The following NDUFAF2 variants were observed in gnomAD, a reference collection of about 807,000 sequenced individuals.
NDUFAF2 encodes the protein NADH:ubiquinone oxidoreductase complex assembly factor 2.
Under a neutral mutation model 22.8 loss-of-function variants are expected in NDUFAF2, and 13 were observed. The observed-to-expected ratio is 0.57, with a 90% CI of 0.37 to 0.91. NDUFAF2 has a LOEUF of 0.91. Among genes scored for constraint, NDUFAF2 ranks in the 40% least tolerant of loss-of-function variants. The pLI is 0.01. For missense variants in NDUFAF2, 162 were observed against 195.2 expected, an observed-to-expected ratio of 0.83 and a Z score of 1.01; for synonymous variants, 53 against 64.2, an observed-to-expected ratio of 0.83 and a Z score of 0.84.
At chr5:61,092,954 C>A (rs1752587002) in intron 2 of NDUFAF2, among the ~76,000 whole-genome samples, 1 of 152,160 alleles carries the variant, frequency 6.6e-6, no homozygotes, top group Non-Finnish European at 1.5e-5. Context: ...AAGTCTGAGT[C>A]CCAAAACCTC....
rs1561532300 is a variant in NDUFAF2 at position 60,977,034 on chromosome 5, C to T, written c.127+31652C>T. On this transcript the variant is annotated intron_variant, in intron 1 of 3. Transcript: ENST00000296597. ...TTAGAAATGCCATTTTCACAAATTA[C>T]TTTCTCTTAGATACTAAGATCTAGT... Among the ~76,000 whole-genome samples the T allele has an allele frequency of 1.3e-5, 2 of 152,192 alleles. 1 individual carries two copies. The highest frequency in any genetic ancestry group is 3.9e-4 in the East Asian group (2 of 5,174).
At chr5:60,990,621 A>G (rs757893673) in intron 1 of NDUFAF2, among the ~76,000 whole-genome samples, 4 of 152,124 alleles carry the variant, frequency 2.6e-5, no homozygotes, top group Admixed American at 6.5e-5. Flanking sequence ...ATGTTTTCAC[A>G]TGAGAGGATT....
chr5:61,008,578 C>G (rs1007645828), intron 1 of NDUFAF2, among the ~76,000 whole-genome samples: 3 of 152,020 alleles, frequency 2.0e-5, no homozygotes, highest in African/African-American at 7.2e-5. Context: ...CTATAAAATG[C>G]GGATGATTTC....
chr5:60,954,839 A>T (rs991069232), intron 1 of NDUFAF2, among the ~76,000 whole-genome samples: 4 of 151,650 alleles, frequency 2.6e-5, no homozygotes, highest in Admixed American at 1.3e-4. Context: ...GGCTAGTGAT[A>T]TTGAGAACCT....
chr5:61,070,596 T>TACAAACACACACACACACACACAC (rs1554082090), intron 1 of NDUFAF2, among the ~76,000 whole-genome samples: 1 of 147,974 alleles, frequency 6.8e-6, no homozygotes, highest in Non-Finnish European at 1.5e-5. Flanking sequence ...TGTCTTTGCA[T>TACAAACACACACACACACACACAC]ACACACACAC....
chr5:61,046,730 A>G (rs1404468073), intron 1 of NDUFAF2, among the ~76,000 whole-genome samples: 1 of 152,158 alleles, frequency 6.6e-6, no homozygotes, highest in East Asian at 1.9e-4. Flanking sequence ...AAAGTAAAGT[A>G]AGTATCCCTT....
intron 1 of NDUFAF2, among the ~76,000 whole-genome samples, chr5:61,058,009 T>G (rs951896170): frequency 1.4e-4 from 21 of 152,188 alleles, no homozygotes; most frequent in African/African-American, 5.1e-4. Flanking sequence ...TTTTATTAAA[T>G]TATTCATATT....
intron 1 of NDUFAF2, among the ~76,000 whole-genome samples, chr5:60,982,063 A>G (rs1388420782): frequency 6.6e-6 from 1 of 152,204 alleles, no homozygotes. Flanking sequence ...CACAAGCACA[A>G]ACAGCCAAAG....
intron 1 of NDUFAF2, among the ~76,000 whole-genome samples, chr5:61,045,750 A>G (rs1396879609): frequency 6.6e-6 from 1 of 152,102 alleles, no homozygotes; most frequent in East Asian, 1.9e-4. Context: ...TTTAGATATA[A>G]GACCTTGTCA....
At chr5:60,958,523 A>G (rs1342718484) in intron 1 of NDUFAF2, among the ~76,000 whole-genome samples, 2 of 152,152 alleles carry the variant, frequency 1.3e-5, no homozygotes, top group African/African-American at 2.4e-5. Context: ...CATTTTTATA[A>G]CAACCATGTA....
chr5:61,097,148 C>T (rs1381012667), intron 2 of NDUFAF2, among the ~76,000 whole-genome samples: 1 of 152,104 alleles, frequency 6.6e-6, no homozygotes, highest in Non-Finnish European at 1.5e-5. Context: ...TGTTTCCACC[C>T]CCACAAACCA....
At chr5:60,998,890 A>AT (rs1279097084) in intron 1 of NDUFAF2, among the ~76,000 whole-genome samples, 2 of 151,640 alleles carry the variant, frequency 1.3e-5, no homozygotes, top group Non-Finnish European at 2.9e-5. Context: ...TCAGAGATTT[A>AT]TTTTTTTTAA....
chr5:61,094,248 G>C (rs1752607102), intron 2 of NDUFAF2, among the ~76,000 whole-genome samples: 2 of 152,102 alleles, frequency 1.3e-5, no homozygotes, highest in Non-Finnish European at 2.9e-5. Context: ...TTCAAACTCT[G>C]AGATCCTTTC....
chr5:61,129,261 A>C (rs1753077372), intron 3 of NDUFAF2, among the ~76,000 whole-genome samples: 1 of 152,206 alleles, frequency 6.6e-6, no homozygotes, highest in Non-Finnish European at 1.5e-5. Flanking sequence ...TAGAACTAGA[A>C]ATACCATTTG....
chr5:60,983,888 T>G (rs890226152), intron 1 of NDUFAF2, among the ~76,000 whole-genome samples: 2 of 152,176 alleles, frequency 1.3e-5, no homozygotes, highest in African/African-American at 4.8e-5. Context: ...ATGTGGCTCT[T>G]TTTTGGTTCC....
At chr5:61,052,131 A>G (rs539621626) in intron 1 of NDUFAF2, among the ~76,000 whole-genome samples, 13 of 148,346 alleles carry the variant, frequency 8.8e-5, no homozygotes, top group Non-Finnish European at 1.8e-4. Context: ...ACTTGTGGTC[A>G]TACCCCTAAG....
At chr5:61,067,496 T>A (rs1228524422) in intron 1 of NDUFAF2, among the ~76,000 whole-genome samples, 1 of 152,144 alleles carries the variant, frequency 6.6e-6, no homozygotes, top group East Asian at 1.9e-4. Context: ...AACTCATCAT[T>A]TTTTATGGCT....
At chr5:61,035,242 T>G (rs1029716929) in intron 1 of NDUFAF2, among the ~76,000 whole-genome samples, 2 of 151,798 alleles carry the variant, frequency 1.3e-5, no homozygotes, top group Non-Finnish European at 2.9e-5. Context: ...AATTTTCGTA[T>G]TTTTAGTAGA....
chr5:61,009,869 C>T (rs1367564557), intron 1 of NDUFAF2, among the ~76,000 whole-genome samples: 2 of 152,048 alleles, frequency 1.3e-5, no homozygotes, highest in African/African-American at 4.8e-5. Flanking sequence ...TTCCCTTCCT[C>T]TAAAAAAACA....
Sources: allele counts gnomAD v4.1 joint callset (sites outside exome capture counted in the v4.1 genomes callset), GRCh38; gene constraint gnomAD v4.1.1; transcripts MANE v1.5; gene names NCBI Gene and HGNC (gene_info 2026-07-23, HGNC 2026-07-21).